TOX2: variants seen among roughly 807,000 people sequenced by gnomAD.
TOX2 encodes TOX high mobility group box family member 2.
A neutral mutation model predicts 47.4 loss-of-function variants in TOX2; 15 were observed. The observed-to-expected ratio is 0.32, with a 90% CI of 0.21 to 0.49. TOX2 has a LOEUF of 0.49. Among genes scored for constraint, TOX2 ranks in the 20% least tolerant of loss-of-function variants. The pLI is 0.99. For missense variants in TOX2, 622 were observed against 673.1 expected (o/e 0.92, Z 0.84); for synonymous variants, 290 against 296.6 (o/e 0.98, Z 0.23).
intron 1 of TOX2, among the ~76,000 whole-genome samples, chr20:43,968,700 A>G (rs2069905732): frequency 6.6e-6 from 1 of 152,260 alleles, no homozygotes. Context: ...TGGCTTTTGC[A>G]GAACAATCTT....
chr20:44,048,870 C>A (rs1402835778), intron 3 of TOX2, among the ~76,000 whole-genome samples: 2 of 152,198 alleles, frequency 1.3e-5, no homozygotes, highest in Non-Finnish European at 1.5e-5. Context: ...TGTGGTGGCT[C>A]ATGCCTATAA....
At chr20:43,949,268 C>A (rs549834383) in intron 1 of TOX2, among the ~76,000 whole-genome samples, 31 of 152,256 alleles carry the variant, frequency 2.0e-4, no homozygotes, top group Non-Finnish European at 7.3e-5. Flanking sequence ...CTGGCTGTAC[C>A]TTCAGGGTGC....
intron 3 of TOX2, among the ~76,000 whole-genome samples, chr20:44,040,125 G>GT (rs1288896028): frequency 6.6e-6 from 1 of 152,212 alleles, no homozygotes; most frequent in Non-Finnish European, 1.5e-5. Context: ...CCACTTCTGT[G>GT]TCCCTCTCTT....
chr20:43,928,991 A>AC (rs1048234434), intron 1 of TOX2, among the ~76,000 whole-genome samples: 190 of 150,524 alleles, frequency 1.3e-3, no homozygotes, highest in African/African-American at 4.4e-3. Flanking sequence ...GAAAAAAAAA[A>AC]AAAAAAAACA....
chr20:43,988,903 G>A (rs2145538471), intron 2 of TOX2, among the ~76,000 whole-genome samples: 1 of 152,308 alleles, frequency 6.6e-6, no homozygotes, highest in African/African-American at 2.4e-5. Context: ...ACTGGGTTTT[G>A]GTTGTGGCTC....
chr20:43,998,332 A>C (rs1158615779), intron 2 of TOX2, among the ~76,000 whole-genome samples: 1 of 152,214 alleles, frequency 6.6e-6, no homozygotes, highest in African/African-American at 2.4e-5. Context: ...CAGTGTAGTT[A>C]GGTCTTAGAA....
At chr20:43,961,527 G>A (rs1053757006) in intron 1 of TOX2, among the ~76,000 whole-genome samples, 1 of 151,506 alleles carries the variant, frequency 6.6e-6, no homozygotes, top group Non-Finnish European at 1.5e-5. Flanking sequence ...TGAGCCAACT[G>A]ATGCTCAGTC....
intron 3 of TOX2, among the ~76,000 whole-genome samples, chr20:44,016,150 T>C (rs992969774): frequency 3.3e-5 from 5 of 151,950 alleles, no homozygotes; most frequent in African/African-American, 9.7e-5. Context: ...GGCACAGATA[T>C]TCACTGAGCA....
chr20:44,069,020 C>A lies in TOX2; in HGVS notation c.*334C>A. 2 of 456,078 alleles carry A rather than the reference C, an allele frequency of 4.4e-6. No homozygotes were observed. Among genetic ancestry groups the A allele is most frequent in the Non-Finnish European group, 4.2e-6 (1 of 236,986 alleles). The allele number at this position is 456,078 out of a possible 1,614,324, so 28.3% of individuals were successfully genotyped here. A position where few individuals can be genotyped will look rare whatever the true frequency, so the allele number is the denominator to read the frequency against. On this transcript the variant is annotated 3_prime_UTR_variant, in exon 9 of 9. Coordinates refer to ENST00000341197, the MANE Select transcript of TOX2 (RefSeq NM_001098797.2). ...CTCCAGCCCCAGCCCAGGTGGGCCG[C>A]CCCTGGCGGGGTCGCTTACCAACGG...
intron 3 of TOX2, among the ~76,000 whole-genome samples, chr20:44,008,298 C>T (rs1175161132): frequency 6.6e-6 from 1 of 152,168 alleles, no homozygotes; most frequent in African/African-American, 2.4e-5. Flanking sequence ...TGGTGGCTCA[C>T]AGCTCTAATC....
At chr20:43,991,378 C>G (rs1003200420) in intron 2 of TOX2, among the ~76,000 whole-genome samples, 1 of 152,216 alleles carries the variant, frequency 6.6e-6, no homozygotes, top group Non-Finnish European at 1.5e-5. Context: ...TTCATTCATT[C>G]ACTCCAAAAC....
At chr20:44,063,761 CACACACACACATATACATATATATGT>C (rs1380338050) in intron 5 of TOX2, among the ~76,000 whole-genome samples, 374 of 108,974 alleles carry the variant, frequency 3.4e-3, no homozygotes, top group African/African-American at 0.011. Context: ...TATATATGTA[CACACACACACATATACATATATATGT>C]ACACACACAC....
chr20:44,003,932 G>A (rs545427739), intron 2 of TOX2, among the ~76,000 whole-genome samples: 240 of 152,310 alleles, frequency 1.6e-3, no homozygotes, highest in Non-Finnish European at 2.1e-3. Context: ...TTGACATCGT[G>A]TGATGATCAT....
chr20:43,970,418 C>T (rs2069944387), intron 1 of TOX2, among the ~76,000 whole-genome samples: 1 of 152,208 alleles, frequency 6.6e-6, no homozygotes, highest in Non-Finnish European at 1.5e-5. Context: ...TGGCCCCTGC[C>T]TTGCAGTGGC....
intron 6 of TOX2, 27 bp from the exon 7 acceptor site, chr20:44,065,685 C>T (rs1569152812): frequency 6.4e-7 from 1 of 1,552,806 alleles, no homozygotes; most frequent in Non-Finnish European, 8.8e-7. Flanking sequence ...TTCTGTTCTC[C>T]AGTGACTGAT....
chr20:43,982,173 G>A (rs2070180285), intron 2 of TOX2, among the ~76,000 whole-genome samples: 2 of 152,098 alleles, frequency 1.3e-5, no homozygotes, highest in African/African-American at 4.8e-5. Flanking sequence ...TGGGTTGGCT[G>A]GGAGCAGAGG....
chr20:43,964,469 T>A (rs1284743114), intron 1 of TOX2, among the ~76,000 whole-genome samples: 1 of 152,220 alleles, frequency 6.6e-6, no homozygotes, highest in African/African-American at 2.4e-5. Context: ...CCGCCCAATG[T>A]GGGGCAGGCG....
intron 2 of TOX2, among the ~76,000 whole-genome samples, chr20:43,994,312 A>T (rs943411668): frequency 4.6e-5 from 7 of 151,830 alleles, no homozygotes; most frequent in African/African-American, 1.7e-4. Flanking sequence ...AAAAAAAATT[A>T]ACCAGGTGTG....
At chr20:43,952,041 C>T (rs1435426712) in intron 1 of TOX2, among the ~76,000 whole-genome samples, 1 of 151,638 alleles carries the variant, frequency 6.6e-6, no homozygotes, top group Non-Finnish European at 1.5e-5. Context: ...GAACTACAGG[C>T]ATGTGCCACC....
Sources: gnomAD v4.1 joint callset for allele counts (sites outside exome capture counted in the v4.1 genomes callset) on GRCh38, gnomAD v4.1.1 for gene constraint, MANE v1.5 for transcripts, NCBI Gene and HGNC (gene_info 2026-07-23, HGNC 2026-07-21) for gene names.